Variants in GRAMD1B observed in about 807,000 individuals in gnomAD.
GRAMD1B encodes the protein GRAM domain containing 1B, also known as protein Aster-B.
GRAMD1B carries 37 observed loss-of-function variants against 99.7 expected under a neutral mutation model. The ratio of observed to expected loss-of-function variants is 0.37; its 90% CI spans 0.29 to 0.49. The LOEUF (loss-of-function observed/expected upper bound fraction) is 0.49, where lower values mean the gene tolerates loss of function less well. Among genes scored for constraint, GRAMD1B ranks in the 20% least tolerant of loss-of-function variants. GRAMD1B has a pLI of 0.98. For missense variants in GRAMD1B, 888 were observed against 1,009.2 expected, an observed-to-expected ratio of 0.88 and a Z score of 1.63; for synonymous variants, 427 against 387.6, an observed-to-expected ratio of 1.10 and a Z score of -1.19.
At chr11:123,369,799 G>A (rs1350517472) in intron 1 of GRAMD1B, among the ~76,000 whole-genome samples, 1 of 151,938 alleles carries the variant, frequency 6.6e-6, no homozygotes, top group African/African-American at 2.4e-5. Context: ...TTGAGCCTGG[G>A]AGGCTGAGGT....
chr11:123,437,410 G>A (rs1013907226), intron 1 of GRAMD1B, among the ~76,000 whole-genome samples: 2 of 152,212 alleles, frequency 1.3e-5, no homozygotes, highest in Non-Finnish European at 2.9e-5. Flanking sequence ...TCTGGAGGGG[G>A]AAGGGAAAGC....
intron 1 of GRAMD1B, among the ~76,000 whole-genome samples, chr11:123,461,049 G>A (rs756278969): frequency 6.6e-6 from 1 of 152,080 alleles, no homozygotes; most frequent in Non-Finnish European, 1.5e-5. Context: ...TTGACTAGAG[G>A]GAAACAGGTG....
At chr11:123,384,755 A>G (rs1947000524) in intron 1 of GRAMD1B, among the ~76,000 whole-genome samples, 1 of 152,212 alleles carries the variant, frequency 6.6e-6, no homozygotes, top group Non-Finnish European at 1.5e-5. Flanking sequence ...CCCCACATAG[A>G]CATCTGTGAC....
At chr11:123,542,081 A>G (rs1349761565) in intron 2 of GRAMD1B, among the ~76,000 whole-genome samples, 3 of 152,120 alleles carry the variant, frequency 2.0e-5, no homozygotes, top group Non-Finnish European at 4.4e-5. Context: ...CAGCCACTTT[A>G]TTTTATGCCA....
chr11:123,556,407 G>A (rs2135938379), intron 2 of GRAMD1B, among the ~76,000 whole-genome samples: 1 of 152,322 alleles, frequency 6.6e-6, no homozygotes, highest in South Asian at 2.1e-4. Flanking sequence ...AACACAGGAA[G>A]TGAATAAAAT....
chr11:123,611,824 G>A (rs1393628598), intron 14 of GRAMD1B, among the ~76,000 whole-genome samples: 8 of 142,290 alleles, frequency 5.6e-5, no homozygotes, highest in Admixed American at 2.1e-4. Context: ...TGAGGAGGGG[G>A]ATGAGGCTGG....
chr11:123,441,768 C>T (rs1949418137), intron 1 of GRAMD1B, among the ~76,000 whole-genome samples: 2 of 151,912 alleles, frequency 1.3e-5, no homozygotes, highest in Non-Finnish European at 2.9e-5. Flanking sequence ...TGCACTCCAG[C>T]CTGGGCAACA....
chr11:123,445,273 A>T (rs113082575), intron 1 of GRAMD1B, among the ~76,000 whole-genome samples: 5 of 152,282 alleles, frequency 3.3e-5, no homozygotes, highest in African/African-American at 1.2e-4. Context: ...TGCCAGGCTG[A>T]CCCCTCAGAG....
At chr11:123,605,057 A>G (rs1358900698) in intron 9 of GRAMD1B, among the ~76,000 whole-genome samples, 1 of 151,930 alleles carries the variant, frequency 6.6e-6, no homozygotes. Flanking sequence ...AGGTAGGGAT[A>G]ACTCTAAGGA....
At chr11:123,578,547 C>A in intron 3 of GRAMD1B, 1 of 768,298 alleles carries the variant, frequency 1.3e-6, no homozygotes. Flanking sequence ...CTGCTTGGTC[C>A]CTTTCCCAGA....
chr11:123,553,394 G>T (rs1438856822), intron 2 of GRAMD1B, among the ~76,000 whole-genome samples: 1 of 152,202 alleles, frequency 6.6e-6, no homozygotes, highest in Non-Finnish European at 1.5e-5. Context: ...TTATTCTGCT[G>T]GGCTGCATTT....
In GRAMD1B at chr11:123,504,865, A is replaced by G. The variant is rs545026382; in HGVS notation, c.452+23972A>G. ...CCCAGCTAATTTTTGTATTTTTAGT[A>G]GAGATGGGGTTTCACCATGTTGGCC... On this transcript the variant is annotated intron_variant, in intron 2 of 19. Transcript: ENST00000635736. Among the ~76,000 whole-genome samples the G allele has an allele frequency of 7.9e-5, 12 of 152,248 alleles. No homozygotes were observed. In the East Asian group the frequency reaches 2.3e-3, roughly 29 times the overall value.
chr11:123,512,094 A>G (rs1941083293), intron 2 of GRAMD1B, among the ~76,000 whole-genome samples: 2 of 152,146 alleles, frequency 1.3e-5, no homozygotes, highest in Non-Finnish European at 2.9e-5. Context: ...TCCTTCCACA[A>G]ACATCTGAAT....
intron 1 of GRAMD1B, among the ~76,000 whole-genome samples, chr11:123,446,809 C>T (rs1050650454): frequency 7.2e-5 from 11 of 151,858 alleles, no homozygotes; most frequent in Admixed American, 5.3e-4. Flanking sequence ...GCGGTGTGTG[C>T]GTGTAGTCCC....
At chr11:123,560,650 C>G in intron 2 of GRAMD1B, 1 of 463,228 alleles carries the variant, frequency 2.2e-6, no homozygotes, top group South Asian at 1.5e-5. Context: ...TAATGGCTTC[C>G]AGGTTAGTGC....
At chr11:123,620,520 A>C (rs926164926) in intron 19 of GRAMD1B, among the ~76,000 whole-genome samples, 6 of 150,766 alleles carry the variant, frequency 4.0e-5, no homozygotes, top group Admixed American at 1.3e-4. Context: ...TAATGCAGCT[A>C]TCAAGACCCA....
chr11:123,438,080 CA>C (rs1455454256), intron 1 of GRAMD1B, among the ~76,000 whole-genome samples: 9 of 152,172 alleles, frequency 5.9e-5, no homozygotes, highest in Non-Finnish European at 1.2e-4. Context: ...GGTTAACTGG[CA>C]AAAACTTCCA....
chr11:123,573,957 G>C (rs1331328779), intron 2 of GRAMD1B, among the ~76,000 whole-genome samples: 1 of 151,976 alleles, frequency 6.6e-6, no homozygotes, highest in East Asian at 1.9e-4. Context: ...CCAGGAGTTT[G>C]TAGGTCCTTC....
chr11:123,582,773 G>A (rs1054177499), intron 3 of GRAMD1B, among the ~76,000 whole-genome samples: 1 of 152,224 alleles, frequency 6.6e-6, no homozygotes, highest in African/African-American at 2.4e-5. Context: ...CCACCCTTGT[G>A]CGTAGTCGCT....
Sources: gnomAD v4.1 joint callset for allele counts (sites outside exome capture counted in the v4.1 genomes callset) on GRCh38, gnomAD v4.1.1 for gene constraint, MANE v1.5 for transcripts, NCBI Gene and HGNC (gene_info 2026-07-23, HGNC 2026-07-21) for gene names.